The following SLC20A2 variants were observed in gnomAD, a reference collection of about 807,000 sequenced individuals.
SLC20A2 encodes solute carrier family 20 member 2, also known as sodium-dependent phosphate transporter 2.
SLC20A2 carries 30 observed loss-of-function variants against 61.0 expected under a neutral mutation model. The ratio of observed to expected loss-of-function variants is 0.49; its 90% confidence interval spans 0.37 to 0.67. SLC20A2 has a LOEUF of 0.67. Ranked by LOEUF, SLC20A2 falls within the 30% of genes least tolerant of loss-of-function variation. The pLI is 0.00. For missense variants in SLC20A2, 626 were observed against 866.4 expected, an observed-to-expected ratio of 0.72 and a Z score of 3.48; for synonymous variants, 351 against 353.3, an observed-to-expected ratio of 0.99 and a Z score of 0.07.
intron 4 of SLC20A2, 81 bp from the exon 5 acceptor site, chr8:42,460,073 T>C: frequency 1.3e-6 from 1 of 783,186 alleles, no homozygotes; most frequent in East Asian, 2.7e-5. Context: ...TGATACAAAA[T>C]ACTGTTACAA....
At chr8:42,517,287 G>C (rs1460454758) in intron 1 of SLC20A2, among the ~76,000 whole-genome samples, 3 of 151,094 alleles carry the variant, frequency 2.0e-5, no homozygotes, top group African/African-American at 4.9e-5. Context: ...AGGATCACCT[G>C]AACCTGGGAA....
intron 10 of SLC20A2, among the ~76,000 whole-genome samples, chr8:42,423,153 G>GT (rs1186264483): frequency 6.6e-6 from 1 of 151,868 alleles, no homozygotes; most frequent in Non-Finnish European, 1.5e-5. Flanking sequence ...CACACATTTG[G>GT]TTTTTATTAT....
intron 1 of SLC20A2, among the ~76,000 whole-genome samples, chr8:42,512,838 T>C (rs1275235254): frequency 2.0e-5 from 3 of 152,222 alleles, no homozygotes; most frequent in Non-Finnish European, 4.4e-5. Context: ...GAACTATGCA[T>C]TCCCAAATCA....
At chr8:42,420,219 T>C (rs2130916513) in intron 10 of SLC20A2, among the ~76,000 whole-genome samples, 1 of 152,314 alleles carries the variant, frequency 6.6e-6, no homozygotes, top group Non-Finnish European at 1.5e-5. Flanking sequence ...TCATGTATTT[T>C]GTCCATTTAC....
intron 1 of SLC20A2, among the ~76,000 whole-genome samples, chr8:42,494,373 A>G (rs1382947497): frequency 6.6e-6 from 1 of 152,220 alleles, no homozygotes; most frequent in East Asian, 1.9e-4. Flanking sequence ...GTTACTTTTT[A>G]AAGAGAAAGT....
At chr8:42,503,581 T>C (rs1362409979), upstream of SLC20A2, among the ~76,000 whole-genome samples, 3 of 152,250 alleles carry the variant, frequency 2.0e-5, no homozygotes, top group Non-Finnish European at 4.4e-5. Flanking sequence ...ATATCCAAGA[T>C]ATGATCATTT....
chr8:42,497,608 T>G (rs1810019581), intron 1 of SLC20A2, among the ~76,000 whole-genome samples: 2 of 152,148 alleles, frequency 1.3e-5, no homozygotes, highest in Admixed American at 1.3e-4. Flanking sequence ...CACATATACT[T>G]GAAGAACAAT....
At chr8:42,534,871 C>T (rs1211522325) in intron 1 of SLC20A2, 1 of 152,092 alleles carries the variant, frequency 6.6e-6, no homozygotes, top group Non-Finnish European at 1.5e-5. Context: ...CTGTTGTTAC[C>T]TCCTATTTCT....
chr8:42,489,965 A>T (rs777071090), intron 1 of SLC20A2, among the ~76,000 whole-genome samples: 1 of 152,236 alleles, frequency 6.6e-6, no homozygotes, highest in South Asian at 2.1e-4. Context: ...AAAACTGTAC[A>T]CCAGAAAAAG....
chr8:42,428,883 A>G (rs1803630684), intron 9 of SLC20A2, 41 bp from the exon 10 acceptor site: 1 of 1,500,186 alleles, frequency 6.7e-7, no homozygotes, highest in African/African-American at 1.4e-5. Context: ...TGCCCTCTGT[A>G]TCAGCCTCCC....
At chr8:42,504,852 C>CAAAAAAAA (rs771127709), upstream of SLC20A2, among the ~76,000 whole-genome samples, 287 of 16,508 alleles carry the variant, frequency 0.017, 100 homozygotes, top group East Asian at 0.048. Context: ...GACTCCGTCT[C>CAAAAAAAA]AAAAAAAAAA....
chr8:42,497,813 C>G (rs922140175), intron 1 of SLC20A2, among the ~76,000 whole-genome samples: 1 of 150,920 alleles, frequency 6.6e-6, no homozygotes. Context: ...AGGTTGGGCA[C>G]GGGGGGAGGG....
chr8:42,461,570 C>A (rs796881521), intron 4 of SLC20A2, among the ~76,000 whole-genome samples: 1 of 151,940 alleles, frequency 6.6e-6, no homozygotes, highest in African/African-American at 2.4e-5. Context: ...CATGCTTCCG[C>A]CTCCCAAGTA....
intron 4 of SLC20A2, among the ~76,000 whole-genome samples, chr8:42,461,774 ACTTT>A (rs1806721782): frequency 6.6e-6 from 1 of 151,426 alleles, no homozygotes; most frequent in Admixed American, 6.6e-5. Context: ...TCTTCCCTCC[ACTTT>A]CTTTCTCTCT....
At chr8:42,432,256 T>C (rs983771289) in intron 8 of SLC20A2, among the ~76,000 whole-genome samples, 16 of 152,184 alleles carry the variant, frequency 1.1e-4, no homozygotes, top group African/African-American at 3.9e-4. Context: ...ACAGATGACT[T>C]TGAGGGATTC....
intron 8 of SLC20A2, among the ~76,000 whole-genome samples, chr8:42,435,430 A>G (rs548538098): frequency 6.6e-6 from 1 of 152,148 alleles, no homozygotes; most frequent in Non-Finnish European, 1.5e-5. Context: ...CATCCTGAGC[A>G]TATTACACAG....
At chr8:42,477,947 G>A (rs529856050) in intron 1 of SLC20A2, among the ~76,000 whole-genome samples, 13 of 151,260 alleles carry the variant, frequency 8.6e-5, no homozygotes, top group East Asian at 3.9e-4. Flanking sequence ...GTGCAGTGGC[G>A]TGATCTCGGC....
chr8:42,451,678 T>C (rs1336194081), intron 5 of SLC20A2, among the ~76,000 whole-genome samples: 1 of 64,262 alleles, frequency 1.6e-5, no homozygotes, highest in African/African-American at 6.3e-5. Flanking sequence ...GAGGAAGAGA[T>C]GAAGAGGAGG....
intron 5 of SLC20A2, among the ~76,000 whole-genome samples, chr8:42,455,290 A>AGAGAGAGAGAGAGAGAGC (rs1563478498): frequency 2.9e-5 from 4 of 139,552 alleles, no homozygotes; most frequent in African/African-American, 7.8e-5. Context: ...AGAGAGAGAG[A>AGAGAGAGAGAGAGAGAGC]GAGCGTGCGC....
Sources: allele counts gnomAD v4.1 joint callset (sites outside exome capture counted in the v4.1 genomes callset), GRCh38; gene constraint gnomAD v4.1.1; transcripts MANE v1.5; gene names NCBI Gene and HGNC (gene_info 2026-07-23, HGNC 2026-07-21).